Variants in SPOCK3 observed in about 807,000 individuals in gnomAD.
SPOCK3 encodes the protein testican-3.
In SPOCK3, 30 loss-of-function variants were observed where a neutral mutation model predicts 56.6. The ratio of observed to expected loss-of-function variants is 0.53; its 90% CI spans 0.40 to 0.72. The LOEUF (loss-of-function observed/expected upper bound fraction) is 0.72, where lower values mean the gene tolerates loss of function less well. Ranked by LOEUF, SPOCK3 falls within the 30% of genes least tolerant of loss-of-function variation. The probability of loss-of-function intolerance (pLI) is 0.00; values close to 1 mark genes in which losing one functional copy is unlikely to be tolerated. For missense variants in SPOCK3, 527 were observed against 530.0 expected (o/e 0.99, Z 0.06); for synonymous variants, 196 against 183.3 (o/e 1.07, Z -0.56).
Position 166,745,513 on chromosome 4 carries a change from A to T in SPOCK3, c.932-3454T>A, listed in dbSNP as rs570152915. Among the ~76,000 whole-genome samples, 13 of 152,364 alleles carry T rather than the reference A, an allele frequency of 8.5e-5. No homozygotes were observed. In the East Asian group the frequency reaches 2.5e-3, roughly 29 times the overall value. ...GCACTAAACATGGAAAGGAACAACC[A>T]GTAACAGCCACTGCAAAAACATGCC... On this transcript the variant is annotated intron_variant, in intron 8 of 10. Transcript: ENST00000357545.
intron 7 of SPOCK3, among the ~76,000 whole-genome samples, chr4:166,772,255 A>G (rs897148292): frequency 6.6e-6 from 1 of 152,148 alleles, no homozygotes; most frequent in Non-Finnish European, 1.5e-5. Flanking sequence ...TCAAATGAAC[A>G]AAAAGTACAT....
chr4:167,108,799 GAA>G lies in SPOCK3; in HGVS notation c.190-46264_190-46263del, dbSNP rs542718413. On this transcript the variant is annotated intron_variant, in intron 2 of 10. Transcript: ENST00000357545. ...ATTTAACTACACTTTTAAAAATAATGAAGAGTATAATTGGATTGTTTGTTACA... is the reference window on the plus strand; with the variant it reads ...ATTTAACTACACTTTTAAAAATAATGGAGTATAATTGGATTGTTTGTTACA... 1.1e-4 allele frequency among the ~76,000 whole-genome samples: 16 copies of G among 150,098 alleles called. No individual in the cohort carries two copies. In the East Asian group the frequency reaches 3.1e-3, roughly 29 times the overall value.
At chr4:167,107,716 CA>C (rs761058420) in intron 2 of SPOCK3, among the ~76,000 whole-genome samples, 16 of 151,614 alleles carry the variant, frequency 1.1e-4, no homozygotes, top group South Asian at 4.1e-4. Flanking sequence ...AAAGACATCA[CA>C]AAAAAATAAT....
At chr4:167,144,666 A>G (rs1324508886) in intron 2 of SPOCK3, among the ~76,000 whole-genome samples, 1 of 151,868 alleles carries the variant, frequency 6.6e-6, no homozygotes, top group African/African-American at 2.4e-5. Flanking sequence ...TTGTGATTTT[A>G]AACAGGACAG....
chr4:167,157,465 T>G (rs1349247253), intron 2 of SPOCK3, among the ~76,000 whole-genome samples: 2 of 151,974 alleles, frequency 1.3e-5, no homozygotes, highest in African/African-American at 4.8e-5. Flanking sequence ...TTTTTAAATC[T>G]AAATAACCTT....
chr4:166,876,042 AG>A (rs1733047520), intron 6 of SPOCK3, among the ~76,000 whole-genome samples: 1 of 152,208 alleles, frequency 6.6e-6, no homozygotes, highest in African/African-American at 2.4e-5. Flanking sequence ...CACGGGGCTC[AG>A]GAAAAGCACA....
chr4:166,999,129 TTA>T (rs1167786815), intron 4 of SPOCK3, among the ~76,000 whole-genome samples: 1 of 152,142 alleles, frequency 6.6e-6, no homozygotes, highest in Non-Finnish European at 1.5e-5. Flanking sequence ...CTTTTGTTCT[TTA>T]TATCACCAAA....
At chr4:166,909,323 T>G (rs754577591) in intron 5 of SPOCK3, among the ~76,000 whole-genome samples, 2 of 152,104 alleles carry the variant, frequency 1.3e-5, no homozygotes, top group Non-Finnish European at 2.9e-5. Context: ...GTTATATCAT[T>G]TGGCTAAAGT....
intron 3 of SPOCK3, among the ~76,000 whole-genome samples, chr4:167,045,748 A>T (rs1300298586): frequency 1.3e-5 from 2 of 152,104 alleles, no homozygotes; most frequent in Non-Finnish European, 2.9e-5. Context: ...CATTCATTTC[A>T]TCTATACATA....
At chr4:166,889,646 C>T (rs1734560620) in intron 5 of SPOCK3, among the ~76,000 whole-genome samples, 1 of 151,894 alleles carries the variant, frequency 6.6e-6, no homozygotes, top group Non-Finnish European at 1.5e-5. Context: ...GTAAGCATGT[C>T]TTCTCTTACT....
intron 2 of SPOCK3, among the ~76,000 whole-genome samples, chr4:167,133,399 T>C (rs1344870173): frequency 6.6e-6 from 1 of 152,190 alleles, no homozygotes; most frequent in Non-Finnish European, 1.5e-5. Flanking sequence ...AGACCAGCTG[T>C]AGACTTCTGC....
chr4:166,796,763 C>T (rs1741981164), intron 6 of SPOCK3, among the ~76,000 whole-genome samples: 1 of 152,128 alleles, frequency 6.6e-6, no homozygotes, highest in Admixed American at 6.5e-5. Context: ...AAAATATTTG[C>T]TACCACCACC....
chr4:167,150,285 TA>T (rs1280327468), intron 2 of SPOCK3, among the ~76,000 whole-genome samples: 4 of 152,128 alleles, frequency 2.6e-5, no homozygotes, highest in Non-Finnish European at 5.9e-5. Flanking sequence ...GTGTAGACTA[TA>T]AAGACTACTG....
At position 167,162,192 on chromosome 4, in the gene SPOCK3, T is replaced by C. The variant is rs199855105; in HGVS notation, c.189+71793A>G. Reference sequence around the variant, plus strand: ...CTTCACCAAACCTAGCACAAAAAAATACACCAGTTTATCTGTTTCTCTGAT... The same window carrying C: ...CTTCACCAAACCTAGCACAAAAAAACACACCAGTTTATCTGTTTCTCTGAT... On this transcript the variant is annotated intron_variant, in intron 2 of 10. Coordinates refer to ENST00000357545, the MANE Select transcript of SPOCK3 (RefSeq NM_001040159.2). Among the ~76,000 whole-genome samples the C allele has an allele frequency of 2.3e-4, 35 of 152,192 alleles. No homozygotes were observed. In the East Asian group the frequency reaches 6.8e-3, roughly 29 times the overall value.
At chr4:167,147,002 A>C (rs764265355) in intron 2 of SPOCK3, among the ~76,000 whole-genome samples, 1 of 152,112 alleles carries the variant, frequency 6.6e-6, no homozygotes, top group Non-Finnish European at 1.5e-5. Flanking sequence ...AAACCCTTCA[A>C]AAAATCAATG....
At chr4:166,847,785 G>A (rs925427043) in intron 6 of SPOCK3, among the ~76,000 whole-genome samples, 1 of 150,376 alleles carries the variant, frequency 6.6e-6, no homozygotes, top group Admixed American at 6.6e-5. Flanking sequence ...TAAAAAGACT[G>A]ATTAGGCAGA....
chr4:167,019,184 A>G (rs141279723), intron 3 of SPOCK3, among the ~76,000 whole-genome samples: 2 of 152,196 alleles, frequency 1.3e-5, no homozygotes, highest in African/African-American at 4.8e-5. Flanking sequence ...TCTTTGCACT[A>G]TCCAACTAAG....
At chr4:166,783,974 G>C (rs75423686) in intron 7 of SPOCK3, among the ~76,000 whole-genome samples, 2,655 of 151,284 alleles carry the variant, frequency 0.018, 49 homozygotes, top group Non-Finnish European at 0.026. Flanking sequence ...TTTTTTTTTG[G>C]GGGGAGGTGT....
chr4:167,170,502 T>C (rs1401577619), intron 2 of SPOCK3, among the ~76,000 whole-genome samples: 4 of 152,138 alleles, frequency 2.6e-5, no homozygotes, highest in Admixed American at 6.5e-5. Context: ...GGCACTAATC[T>C]AGATACTTTA....
Sources: allele counts gnomAD v4.1 joint callset (sites outside exome capture counted in the v4.1 genomes callset), GRCh38; gene constraint gnomAD v4.1.1; transcripts MANE v1.5; gene names NCBI Gene and HGNC (gene_info 2026-07-23, HGNC 2026-07-21).